Variants in CDH2 observed in about 807,000 individuals in gnomAD.
CDH2 encodes cadherin-2.
CDH2 carries 17 observed loss-of-function variants against 92.0 expected under a neutral mutation model. The ratio of observed to expected loss-of-function variants is 0.18; its 90% CI spans 0.13 to 0.28. The LOEUF is 0.28. Among genes scored for constraint, CDH2 ranks in the 10% least tolerant of loss-of-function variants. CDH2 has a pLI of 1.00. For missense variants in CDH2, 862 were observed against 1,133.1 expected, an observed-to-expected ratio of 0.76 and a Z score of 3.44; for synonymous variants, 419 against 415.9, an observed-to-expected ratio of 1.01 and a Z score of -0.09.
intron 2 of CDH2, among the ~76,000 whole-genome samples, chr18:28,071,532 G>A (rs1053380280): frequency 8.5e-5 from 13 of 152,120 alleles, no homozygotes; most frequent in Admixed American, 4.6e-4. Context: ...GCACAAGTCA[G>A]ACCTTTTCCC....
At chr18:28,074,893 TCA>T (rs2014690442) in intron 2 of CDH2, among the ~76,000 whole-genome samples, 1 of 152,018 alleles carries the variant, frequency 6.6e-6, no homozygotes, top group Admixed American at 6.6e-5. Context: ...TTAACTGACC[TCA>T]CTGTTAACAC....
rs267605139 is a variant in CDH2, at chr18:27,990,284, C to T, written c.1411G>A (p.Ala471Thr). The T allele has an allele frequency of 1.2e-6, 2 of 1,613,876 alleles. No homozygotes were observed. Among genetic ancestry groups the T allele is most frequent in the Non-Finnish European group, 1.7e-6 (2 of 1,179,766 alleles). ...TVAAENQVPL[A>T]KGIQHPPQST... ...TGAGGGGGGTGCTGAATTCCCTTGG[C>T]TAATGGCACTTGATTTTCTGCAGCA... Residue 471 changes from alanine (A) to threonine (T), a missense_variant, in exon 10 of 16, where the codon GCC becomes ACC. Coordinates refer to ENST00000269141, the MANE Select transcript of CDH2 (RefSeq NM_001792.5).
At chr18:28,094,629 C>T (rs1424611944) in intron 2 of CDH2, among the ~76,000 whole-genome samples, 1 of 151,740 alleles carries the variant, frequency 6.6e-6, no homozygotes, top group African/African-American at 2.4e-5. Flanking sequence ...CCTGTCTCTA[C>T]TAAAAACACA....
At chr18:28,120,518 T>C (rs190411168) in intron 2 of CDH2, among the ~76,000 whole-genome samples, 1 of 152,118 alleles carries the variant, frequency 6.6e-6, no homozygotes, top group East Asian at 1.9e-4. Flanking sequence ...GTCATAGATA[T>C]AAAACAAATA....
chr18:28,095,969 C>T (rs2015128300), intron 2 of CDH2, among the ~76,000 whole-genome samples: 1 of 152,034 alleles, frequency 6.6e-6, no homozygotes, highest in Non-Finnish European at 1.5e-5. Flanking sequence ...ATGGTGCATC[C>T]TAACATCAGA....
intron 2 of CDH2, among the ~76,000 whole-genome samples, chr18:28,032,361 C>T (rs555778600): frequency 1.1e-4 from 17 of 152,180 alleles, no homozygotes; most frequent in Admixed American, 2.0e-4. Context: ...CCTGCTTCAA[C>T]GAGAATGTGT....
At chr18:27,959,806 T>C (rs1191461170) in intron 15 of CDH2, among the ~76,000 whole-genome samples, 1 of 152,126 alleles carries the variant, frequency 6.6e-6, no homozygotes, top group African/African-American at 2.4e-5. Context: ...GCTGAAGATA[T>C]TTGATTGCTC....
intron 2 of CDH2, among the ~76,000 whole-genome samples, chr18:28,020,004 T>A (rs1016371668): frequency 3.3e-5 from 5 of 152,150 alleles, no homozygotes; most frequent in African/African-American, 1.2e-4. Flanking sequence ...TTCTTCCATG[T>A]GAATCATATT....
rs1165940768 is a variant in CDH2, at chr18:28,067,393, T to TC, written c.173-53485dup. 2.0e-5 allele frequency among the ~76,000 whole-genome samples: 3 copies of TC among 152,024 alleles called. No homozygotes were observed. In the East Asian group the frequency reaches 5.8e-4, roughly 29 times the overall value. On this transcript the variant is annotated intron_variant, in intron 2 of 15. Transcript: ENST00000269141. ...CACTCACCCCTCTCCCCAATCCCAA[T>TC]CCCCTACCACCCAACCTTAGGCAAC...
chr18:27,963,533 CAA>C lies in CDH2; in HGVS notation c.2350-14_2350-13del. The C allele has an allele frequency of 6.2e-7, 1 of 1,611,592 alleles. No homozygotes were observed. The highest frequency in any genetic ancestry group is 8.5e-7 in the Non-Finnish European group (1 of 1,178,708). The stretch of plus-strand genomic sequence containing the variant: ...CTCAAGTCATAGTCCTGCAAAAAGA[CAA>C]AATCAAAAACCGATGGGAGATGGGC... On this transcript the variant is annotated splice_polypyrimidine_tract_variant and intron_variant, in intron 14 of 15. Transcript: ENST00000269141.
rs577910550 is a variant in CDH2 at position 27,963,830 on chromosome 18, G to A, written c.2350-309C>T. On this transcript the variant is annotated intron_variant, in intron 14 of 15. Transcript: ENST00000269141. The stretch of plus-strand genomic sequence containing the variant: ...ACTAAAAAACCGACTAGACAATATA[G>A]TTGTACCATACAAGCAAAGGTGCTA... 36 of 256,878 alleles carry A rather than the reference G, an allele frequency of 1.4e-4. 1 individual carries two copies. In the East Asian group the frequency reaches 2.9e-3, roughly 21 times the overall value. 15.9% of individuals were successfully genotyped at this position (256,878 alleles called of 1,614,324 possible). A position where few individuals can be genotyped will look rare whatever the true frequency, so the allele number is the denominator to read the frequency against.
intron 2 of CDH2, among the ~76,000 whole-genome samples, chr18:28,139,633 A>G (rs1568013910): frequency 6.6e-6 from 1 of 151,906 alleles, no homozygotes; most frequent in Admixed American, 6.6e-5. Flanking sequence ...CTTTCCTTTG[A>G]AACACTCCCT....
intron 2 of CDH2, among the ~76,000 whole-genome samples, chr18:28,033,403 G>A (rs1168985158): frequency 6.6e-6 from 1 of 152,068 alleles, no homozygotes; most frequent in Non-Finnish European, 1.5e-5. Flanking sequence ...AGTCTGAAGG[G>A]AGAAATGTCA....
At chr18:27,964,297 G>A (rs1254021172) in intron 14 of CDH2, among the ~76,000 whole-genome samples, 1 of 152,184 alleles carries the variant, frequency 6.6e-6, no homozygotes, top group Non-Finnish European at 1.5e-5. Flanking sequence ...TTGTGAAGAA[G>A]GATGCTCTGG....
intron 1 of CDH2, among the ~76,000 whole-genome samples, chr18:28,161,011 C>G (rs1258833172): frequency 1.3e-5 from 2 of 152,180 alleles, no homozygotes; most frequent in African/African-American, 4.8e-5. Context: ...TATGTTTCCA[C>G]TTCCCCCTTT....
At chr18:28,174,785 A>G (rs535015431) in intron 1 of CDH2, among the ~76,000 whole-genome samples, 9 of 152,282 alleles carry the variant, frequency 5.9e-5, no homozygotes, top group Non-Finnish European at 7.4e-5. Context: ...TCGTGTCCTA[A>G]CTTCGCTGCA....
intron 2 of CDH2, among the ~76,000 whole-genome samples, chr18:28,086,456 C>T (rs368322379): frequency 1.8e-4 from 27 of 151,872 alleles, no homozygotes; most frequent in East Asian, 1.5e-3. Context: ...AATCACACTA[C>T]GGTCTCCCAC....
chr18:28,109,265 G>C (rs766266), intron 2 of CDH2, among the ~76,000 whole-genome samples: 122,908 of 152,174 alleles, frequency 0.81, 49,857 homozygotes, highest in Admixed American at 0.83. Flanking sequence ...CCACAAGTAA[G>C]CTTTTTCTGT....
chr18:28,103,258 A>T (rs1284917548), intron 2 of CDH2, among the ~76,000 whole-genome samples: 1 of 145,576 alleles, frequency 6.9e-6, no homozygotes, highest in Non-Finnish European at 1.5e-5. Context: ...TATATATATA[A>T]AAACTCCTTT....
Sources: gnomAD v4.1 joint callset for allele counts (sites outside exome capture counted in the v4.1 genomes callset) on GRCh38, gnomAD v4.1.1 for gene constraint, MANE v1.5 for transcripts, NCBI Gene and HGNC (gene_info 2026-07-23, HGNC 2026-07-21) for gene names.